SLC4A8: variants seen among roughly 807,000 people sequenced by gnomAD.
SLC4A8 encodes the protein solute carrier family 4 member 8, also known as electroneutral sodium bicarbonate exchanger 1.
Under a neutral mutation model 125.0 loss-of-function variants are expected in SLC4A8, and 40 were observed. That is an observed-to-expected ratio of 0.32 (90% CI 0.25 to 0.42). The LOEUF (loss-of-function observed/expected upper bound fraction) is 0.42. Ranked by LOEUF, SLC4A8 falls within the 10% of genes least tolerant of loss-of-function variation. SLC4A8 has a pLI of 1.00. For synonymous variants in SLC4A8, 456 were observed against 476.0 expected (o/e 0.96, Z 0.55); for missense variants, 863 against 1,355.1 (o/e 0.64, Z 5.70).
intron 2 of SLC4A8, 69 bp downstream of exon 2, chr12:51,440,858 C>T: frequency 7.6e-7 from 1 of 1,310,870 alleles, no homozygotes; most frequent in South Asian, 1.4e-5. Context: ...AGACCTGGCT[C>T]TGTGTCCTAA....
intron 5 of SLC4A8, among the ~76,000 whole-genome samples, chr12:51,456,549 C>A (rs1350707675): frequency 6.6e-6 from 1 of 152,142 alleles, no homozygotes; most frequent in Non-Finnish European, 1.5e-5. Flanking sequence ...CACTGTATAT[C>A]ATCTCATTTA....
intron 16 of SLC4A8, chr12:51,479,969 A>ATTTTT: frequency 3.0e-5 from 9 of 301,946 alleles, no homozygotes; most frequent in Admixed American, 1.3e-4. Context: ...TATAAATGGA[A>ATTTTT]TTTTTTTTTT....
At chr12:51,469,191 T>G (rs1950617283) in intron 11 of SLC4A8, 1 of 155,360 alleles carries the variant, frequency 6.4e-6, no homozygotes, top group Non-Finnish European at 1.4e-5. Flanking sequence ...GGGGGGTAGT[T>G]GTTCAGAGTA....
intron 14 of SLC4A8, 134 bp downstream of exon 14, chr12:51,471,666 C>A: frequency 1.0e-6 from 1 of 985,282 alleles, no homozygotes; most frequent in Non-Finnish European, 1.5e-6. Flanking sequence ...ATCTCAGATA[C>A]AGACAAGGAG....
At chr12:51,437,027 AATATT>A (rs1197086531) in intron 1 of SLC4A8, among the ~76,000 whole-genome samples, 2 of 152,228 alleles carry the variant, frequency 1.3e-5, no homozygotes, top group African/African-American at 2.4e-5. Flanking sequence ...TTTTAAACTT[AATATT>A]ATATTTTGGA....
At chr12:51,409,614 A>G (rs1475634137) in intron 1 of SLC4A8, among the ~76,000 whole-genome samples, 1 of 152,084 alleles carries the variant, frequency 6.6e-6, no homozygotes, top group Non-Finnish European at 1.5e-5. Flanking sequence ...CATAGGTGCA[A>G]TCATAGTGCA....
intron 10 of SLC4A8, 99 bp downstream of exon 10, chr12:51,462,555 A>T: frequency 1.1e-6 from 1 of 920,212 alleles, no homozygotes; most frequent in Non-Finnish European, 1.6e-6. Context: ...ATATATCAAG[A>T]TGCAGCTCTG....
intron 11 of SLC4A8, among the ~76,000 whole-genome samples, chr12:51,468,793 T>C (rs1182658971): frequency 6.6e-6 from 1 of 152,194 alleles, no homozygotes; most frequent in Non-Finnish European, 1.5e-5. Flanking sequence ...ATAAAACCAT[T>C]TTTTAAGGCC....
intron 1 of SLC4A8, among the ~76,000 whole-genome samples, chr12:51,401,939 A>G (rs1049110275): frequency 6.7e-6 from 1 of 150,324 alleles, no homozygotes; most frequent in African/African-American, 2.4e-5. Context: ...TAATTTTTCT[A>G]TTTTTTTTTG....
At chr12:51,424,770 C>T (rs1229151846), upstream of SLC4A8, 3 of 536,930 alleles carry the variant, frequency 5.6e-6, no homozygotes, top group Non-Finnish European at 6.5e-6. Flanking sequence ...AGCGTCCTCC[C>T]GTGCTCCGCG....
intron 2 of SLC4A8, among the ~76,000 whole-genome samples, chr12:51,449,218 G>A (rs924538289): frequency 1.3e-5 from 2 of 152,188 alleles, no homozygotes; most frequent in Non-Finnish European, 2.9e-5. Context: ...CAGGAGAATC[G>A]CTTGAGCTCA....
chr12:51,396,829 C>T lies in SLC4A8; in HGVS notation c.-112+5341C>T, dbSNP rs79306676. 2.0e-3 allele frequency among the ~76,000 whole-genome samples: 306 copies of T among 151,314 alleles called. 8 individuals carry two copies. In the East Asian group the frequency reaches 0.051, roughly 25 times the overall value. ...AAAGTAGTTGAAAAAACATTTAAAA[C>T]TTGAAACATAGGTGTATTAAAACTC... On this transcript the variant is annotated intron_variant, in intron 1 of 24. Coordinates refer to the SLC4A8 transcript ENST00000358657.
intron 15 of SLC4A8, chr12:51,474,676 C>A: frequency 1.4e-6 from 1 of 694,558 alleles, no homozygotes; most frequent in Non-Finnish European, 2.3e-6. Context: ...ACCCAGTGAC[C>A]CTGCACTAAG....
At chr12:51,505,700 C>T (rs976561377) in intron 23 of SLC4A8, 135 bp from the exon 24 acceptor site, 21 of 485,562 alleles carry the variant, frequency 4.3e-5, no homozygotes, top group East Asian at 2.3e-4. Context: ...TCTTGTTCCC[C>T]GAGTTCCTGA....
upstream of SLC4A8, among the ~76,000 whole-genome samples, chr12:51,420,885 C>A (rs187532143): frequency 8.7e-4 from 132 of 152,150 alleles, no homozygotes; most frequent in Non-Finnish European, 1.5e-3. Flanking sequence ...GGCTGTGTGC[C>A]CTGGGGAAGT....
intron 16 of SLC4A8, among the ~76,000 whole-genome samples, chr12:51,476,352 A>G (rs1263592399): frequency 1.3e-5 from 2 of 152,110 alleles, no homozygotes; most frequent in African/African-American, 2.4e-5. Context: ...ATGGTAGCAC[A>G]TGCCTGTAAT....
At chr12:51,477,701 C>G (rs1286154696) in intron 16 of SLC4A8, among the ~76,000 whole-genome samples, 1 of 152,202 alleles carries the variant, frequency 6.6e-6, no homozygotes, top group African/African-American at 2.4e-5. Flanking sequence ...CATCTCTGAG[C>G]TCTTTGCCTG....
chr12:51,441,839 A>G (rs1949608162), intron 2 of SLC4A8, among the ~76,000 whole-genome samples: 1 of 152,182 alleles, frequency 6.6e-6, no homozygotes, highest in Non-Finnish European at 1.5e-5. Context: ...GTCTGTTACC[A>G]TGAGAACTGA....
chr12:51,496,873 T>C lies in SLC4A8; in HGVS notation c.2944-114T>C. On this transcript the variant is annotated intron_variant, in intron 21 of 24. Coordinates refer to ENST00000453097, the MANE Select transcript of SLC4A8 (RefSeq NM_001039960.3). ...TAAATGGTGACTGTTAGGATTATTA[T>C]GAGTTTGATTTTGCTTGAAATGTCC... 4 of 964,358 alleles carry C rather than the reference T, an allele frequency of 4.1e-6. No homozygotes were observed. In the South Asian group the frequency reaches 6.4e-5, roughly 15 times the overall value. The allele number at this position is 964,358 out of a possible 1,614,324, so 59.7% of individuals were successfully genotyped here.
Sources: allele counts gnomAD v4.1 joint callset (sites outside exome capture counted in the v4.1 genomes callset), GRCh38; gene constraint gnomAD v4.1.1; transcripts MANE v1.5; gene names NCBI Gene and HGNC (gene_info 2026-07-23, HGNC 2026-07-21).